The following ICAM1 variants were observed in gnomAD, a reference collection of about 807,000 sequenced individuals.
ICAM1 encodes the protein ICAM-1.
A neutral mutation model predicts 42.3 loss-of-function variants in ICAM1; 28 were observed. That is an observed-to-expected ratio of 0.66 (90% CI 0.49 to 0.91). The LOEUF is 0.91. ICAM1 is among the 40% of genes least tolerant of loss of function. The pLI is 0.00. For synonymous variants in ICAM1, 304 were observed against 305.9 expected (o/e 0.99, Z 0.07); for missense variants, 637 against 688.6 (o/e 0.93, Z 0.84).
intron 1 of ICAM1, among the ~76,000 whole-genome samples, chr19:10,273,349 G>GGGCGTGGTAATTACACA (rs1261648596): frequency 6.6e-6 from 1 of 151,820 alleles, no homozygotes. Context: ...AAAATTACCC[G>GGGCGTGGTAATTACACA]GGCGTGGTGG....
At chr19:10,281,118 C>A (rs1215784848) in intron 2 of ICAM1, among the ~76,000 whole-genome samples, 1 of 151,854 alleles carries the variant, frequency 6.6e-6, no homozygotes, top group African/African-American at 2.4e-5. Flanking sequence ...CGTGATCCGC[C>A]CGCCTTGGCC....
chr19:10,275,883 T>C (rs1183874985), intron 2 of ICAM1, among the ~76,000 whole-genome samples: 1 of 151,548 alleles, frequency 6.6e-6, no homozygotes, highest in East Asian at 2.0e-4. Flanking sequence ...CATTTTTTTG[T>C]ATTTTTAGTA....
intron 2 of ICAM1, among the ~76,000 whole-genome samples, chr19:10,276,797 C>T (rs1199453717): frequency 6.6e-6 from 1 of 151,318 alleles, no homozygotes; most frequent in Non-Finnish European, 1.5e-5. Context: ...CATGGAGAAA[C>T]CCCGTCTCTA....
At position 10,285,262 on chromosome 19, in the gene ICAM1, C is replaced by T. The variant is rs761261553; in HGVS notation, c.1574C>T (p.Pro525Leu). 1.9e-5 allele frequency: 30 copies of T among 1,614,104 alleles called. No homozygotes were observed. The highest frequency in any genetic ancestry group is 4.5e-5 in the East Asian group (2 of 44,882). ...GCCCAAAAAGGGACCCCCATGAAAC[C>T]GAACACACAAGCCACGCCTCCCTGA... Reference protein sequence around the residue: ...QQAQKGTPMKPNTQATPP With the variant: ...QQAQKGTPMKLNTQATPP Residue 525 changes from proline to leucine, a missense_variant, in exon 7 of 7, where the codon CCG becomes CTG. By Grantham distance (98) the Pro-to-Leu change is moderately conservative. Transcript: ENST00000264832.
intron 1 of ICAM1, among the ~76,000 whole-genome samples, chr19:10,272,838 A>T (rs550788681): frequency 4.4e-4 from 67 of 152,174 alleles, no homozygotes; most frequent in Non-Finnish European, 7.8e-4. Flanking sequence ...CCCACCCCGT[A>T]AGCCCCTTCT....
intron 1 of ICAM1, among the ~76,000 whole-genome samples, chr19:10,272,713 G>C (rs1264666227): frequency 4.0e-5 from 6 of 151,794 alleles, no homozygotes; most frequent in Non-Finnish European, 1.5e-5. Flanking sequence ...CTACAGGCAT[G>C]TGCCATCACA....
chr19:10,285,441 A>G lies in ICAM1; in HGVS notation c.*154A>G. ...ATTGTCCTCAGTCAGATACAACAGC[A>G]TTTGGGGCCATGGTACCTGCACACC... On this transcript the variant is annotated 3_prime_UTR_variant, in exon 7 of 7. Transcript: ENST00000264832. The G allele has an allele frequency of 1.5e-6, 1 of 663,030 alleles. No individual in the cohort carries two copies. Among genetic ancestry groups the G allele is most frequent in the African/African-American group, 1.8e-5 (1 of 54,878 alleles). The allele number at this position is 663,030 out of a possible 1,614,324, so 41.1% of individuals were successfully genotyped here. A position where few individuals can be genotyped will look rare whatever the true frequency, so the allele number is the denominator to read the frequency against.
At chr19:10,276,544 CAAAAAA>C (rs71162059) in intron 2 of ICAM1, among the ~76,000 whole-genome samples, 1,474 of 72,912 alleles carry the variant, frequency 0.02, 17 homozygotes, top group African/African-American at 0.068. Context: ...GACTCCATCT[CAAAAAA>C]AAAAAAAAAA....
At chr19:10,271,365 G>C (rs2039979028) in intron 1 of ICAM1, 139 bp downstream of exon 1, 3 of 697,322 alleles carry the variant, frequency 4.3e-6, no homozygotes, top group South Asian at 3.7e-5. Context: ...GCAACAGCCA[G>C]TAGGTTCGAA....
chr19:10,282,235 CCATTCATT>C (rs549971450), intron 2 of ICAM1: 4 of 151,882 alleles, frequency 2.6e-5, no homozygotes, highest in African/African-American at 9.7e-5. Context: ...ACCCAGTTAA[CCATTCATT>C]CATTCATTCA....
chr19:10,273,262 G>C (rs2039994314), intron 1 of ICAM1, among the ~76,000 whole-genome samples: 1 of 152,032 alleles, frequency 6.6e-6, no homozygotes, highest in Non-Finnish European at 1.5e-5. Context: ...GGAGGCTGAG[G>C]CGGGCGGATT....
Position 10,285,039 on chromosome 19 carries a change from C to T in ICAM1, c.1426+11C>T, listed in dbSNP as rs752251128. 10 of 1,613,288 alleles carry T rather than the reference C, an allele frequency of 6.2e-6. No individual in the cohort carries two copies. The highest frequency in any genetic ancestry group is 1.7e-5 in the Admixed American group (1 of 59,874). On this transcript the variant is annotated intron_variant, in intron 6 of 6. Coordinates refer to ENST00000264832, the MANE Select transcript of ICAM1 (RefSeq NM_000201.3). Reference sequence around the variant, plus strand: ...CCGTGAATGTGCTCTGTGAGTGAGCCGGCGGGCAGAGCTGGGTGGGGGCAG... The same window carrying T: ...CCGTGAATGTGCTCTGTGAGTGAGCTGGCGGGCAGAGCTGGGTGGGGGCAG...
At chr19:10,277,825 G>A (rs1318838194) in intron 2 of ICAM1, among the ~76,000 whole-genome samples, 1 of 152,090 alleles carries the variant, frequency 6.6e-6, no homozygotes, top group Non-Finnish European at 1.5e-5. Flanking sequence ...TGGGGACTTC[G>A]AATGGTGGGA....
chr19:10,272,835 C>T lies in ICAM1; in HGVS notation c.67+1609C>T, dbSNP rs749696485. On this transcript the variant is annotated intron_variant, in intron 1 of 6. Coordinates refer to ENST00000264832, the MANE Select transcript of ICAM1 (RefSeq NM_000201.3). ...CATGCGTGAGCCACAGTGCCCACCC[C>T]GTAAGCCCCTTCTTTCTTACCTGCA... 7.5e-4 allele frequency among the ~76,000 whole-genome samples: 114 copies of T among 152,026 alleles called. 1 individual carries two copies. Among genetic ancestry groups the T allele is most frequent in the South Asian group, 6.2e-4 (3 of 4,822 alleles).
intron 2 of ICAM1, 163 bp from the exon 3 acceptor site, chr19:10,283,318 T>TA (rs1372425744): frequency 4.7e-6 from 3 of 644,070 alleles, no homozygotes; most frequent in Non-Finnish European, 7.9e-6. Flanking sequence ...GGGGCCCTCT[T>TA]ACCAGTTTTC....
chr19:10,274,624 A>C, intron 1 of ICAM1, 141 bp from the exon 2 acceptor site: 1 of 978,060 alleles, frequency 1.0e-6, no homozygotes, highest in Non-Finnish European at 1.5e-6. Context: ...CTGCTCATGA[A>C]TTTTCTCTTT....
Position 10,281,100 on chromosome 19 carries a change from C to G in ICAM1, c.332-2381C>G, listed in dbSNP as rs371680215. On this transcript the variant is annotated intron_variant, in intron 2 of 6. Coordinates refer to ENST00000264832, the MANE Select transcript of ICAM1 (RefSeq NM_000201.3). ...GTGTTAGCCAGGATGGTCTTGATCT[C>G]CTGACCTCGTGATCCGCCCGCCTTG... is the stretch of plus-strand genomic sequence containing the variant. Among the ~76,000 whole-genome samples, 25 of 151,860 alleles carry G rather than the reference C, an allele frequency of 1.6e-4. No homozygotes were observed. In the South Asian group the frequency reaches 2.7e-3, roughly 16 times the overall value.
chr19:10,285,697 A>G lies in ICAM1; in HGVS notation c.*410A>G, dbSNP rs1161975408. 1 of 183,288 alleles carries G rather than the reference A, an allele frequency of 5.5e-6. No individual in the cohort carries two copies. Among genetic ancestry groups the G allele is most frequent in the Non-Finnish European group, 1.2e-5 (1 of 86,272 alleles). The allele number at this position is 183,288 out of a possible 1,614,324, so 11.4% of individuals were successfully genotyped here. On this transcript the variant is annotated 3_prime_UTR_variant, in exon 7 of 7. Coordinates refer to ENST00000264832, the MANE Select transcript of ICAM1 (RefSeq NM_000201.3). Reference sequence around the variant, plus strand: ...ACAGAAGAAGTGGCCCTCCATAGACATGTGTAGCATCAAAACACAAAGGCC... The same window carrying G: ...ACAGAAGAAGTGGCCCTCCATAGACGTGTGTAGCATCAAAACACAAAGGCC...
intron 2 of ICAM1, 51 bp from the exon 3 acceptor site, chr19:10,283,426 TAGGC>T (rs2040075174): frequency 1.3e-6 from 2 of 1,499,742 alleles, no homozygotes; most frequent in Admixed American, 4.3e-5. Flanking sequence ...GTTCGTCTGT[TAGGC>T]AGGCAGCAAG....
Sources: gnomAD v4.1 joint callset for allele counts (sites outside exome capture counted in the v4.1 genomes callset) on GRCh38, gnomAD v4.1.1 for gene constraint, MANE v1.5 for transcripts, NCBI Gene and HGNC (gene_info 2026-07-23, HGNC 2026-07-21) for gene names.